The following COL5A2 variants were observed in gnomAD, a reference collection of about 807,000 sequenced individuals.
The protein encoded by COL5A2 is collagen alpha-2(V) chain.
Under a neutral mutation model 208.2 loss-of-function variants are expected in COL5A2, and 23 were observed. The ratio of observed to expected loss-of-function variants is 0.11; its 90% confidence interval spans 0.08 to 0.16. COL5A2 has a LOEUF of 0.16. COL5A2 is among the 10% of genes least tolerant of loss of function. COL5A2 has a pLI of 1.00. For synonymous variants in COL5A2, 625 were observed against 628.5 expected (o/e 0.99, Z 0.08); for missense variants, 1,590 against 1,956.4 (o/e 0.81, Z 3.53).
the COL5A2 span, among the ~76,000 whole-genome samples, chr2:189,317,885 C>T: frequency 6.6e-6 from 1 of 152,044 alleles, no homozygotes; most frequent in Non-Finnish European, 1.5e-5. Context: ...AGCTGGTATT[C>T]AAAATTATTT....
chr2:189,294,400 A>G, the COL5A2 span, among the ~76,000 whole-genome samples: 1 of 152,202 alleles, frequency 6.6e-6, no homozygotes, highest in East Asian at 1.9e-4. Context: ...GTCACATCAC[A>G]TTTACCTTAA....
the COL5A2 span, among the ~76,000 whole-genome samples, chr2:189,367,760 A>C: frequency 6.6e-6 from 1 of 152,178 alleles, no homozygotes; most frequent in African/African-American, 2.4e-5. Flanking sequence ...TGTGTAATTC[A>C]TCTTCATGTG....
At chr2:189,366,671 A>G in the COL5A2 span, among the ~76,000 whole-genome samples, 1 of 152,158 alleles carries the variant, frequency 6.6e-6, no homozygotes, top group African/African-American at 2.4e-5. Flanking sequence ...TCAAACCTAT[A>G]AGATGGCCTG....
At chr2:189,311,661 C>A in the COL5A2 span, 1 of 764,744 alleles carries the variant, frequency 1.3e-6, no homozygotes, top group South Asian at 1.4e-5. Context: ...TGTCTCAGCT[C>A]CATGAGCATC....
At chr2:189,373,187 A>G in the COL5A2 span, among the ~76,000 whole-genome samples, 8 of 152,284 alleles carry the variant, frequency 5.3e-5, no homozygotes, top group African/African-American at 1.9e-4. Context: ...AGTTAAGTAG[A>G]CATTAATATC....
At chr2:189,428,571 C>G in the COL5A2 span, among the ~76,000 whole-genome samples, 2 of 152,088 alleles carry the variant, frequency 1.3e-5, no homozygotes, top group African/African-American at 2.4e-5. Context: ...TGAGCCAAGA[C>G]TGTGCCACTG....
At chr2:189,288,433 T>TG in the COL5A2 span, among the ~76,000 whole-genome samples, 1 of 152,182 alleles carries the variant, frequency 6.6e-6, no homozygotes, top group Non-Finnish European at 1.5e-5. Flanking sequence ...AGTAATGTGA[T>TG]GACTATGAAT....
chr2:189,154,910 G>A (rs775849876), intron 1 of COL5A2, among the ~76,000 whole-genome samples: 135 of 152,108 alleles, frequency 8.9e-4, no homozygotes, highest in Admixed American at 1.6e-3. Flanking sequence ...ACGAATGAAT[G>A]AATAAATTAG....
At chr2:189,386,198 C>T in the COL5A2 span, among the ~76,000 whole-genome samples, 2 of 151,984 alleles carry the variant, frequency 1.3e-5, no homozygotes, top group Non-Finnish European at 2.9e-5. Context: ...CACAGCCAAA[C>T]TTATATCAAT....
the COL5A2 span, among the ~76,000 whole-genome samples, chr2:189,349,554 G>T: frequency 6.6e-6 from 1 of 152,142 alleles, no homozygotes; most frequent in Non-Finnish European, 1.5e-5. Flanking sequence ...GATGGTGATG[G>T]TTTATAAGTA....
At chr2:189,109,855 A>G (rs1308523979) in intron 2 of COL5A2, among the ~76,000 whole-genome samples, 5 of 152,166 alleles carry the variant, frequency 3.3e-5, no homozygotes, top group African/African-American at 4.8e-5. Flanking sequence ...TTGTAGATAA[A>G]TGTGTTTTCT....
chr2:189,044,329 C>A (rs1685620207), intron 47 of COL5A2, among the ~76,000 whole-genome samples: 1 of 151,920 alleles, frequency 6.6e-6, no homozygotes, highest in Non-Finnish European at 1.5e-5. Context: ...TTTTATATAA[C>A]AATATAAATT....
At chr2:189,047,665 A>G (rs1329307449) in intron 45 of COL5A2, among the ~76,000 whole-genome samples, 1 of 152,114 alleles carries the variant, frequency 6.6e-6, no homozygotes, top group Non-Finnish European at 1.5e-5. Flanking sequence ...TGGAGTGGGG[A>G]GTGATTTTGC....
chr2:189,099,434 G>A (rs1009571784), intron 4 of COL5A2, among the ~76,000 whole-genome samples: 2 of 151,932 alleles, frequency 1.3e-5, no homozygotes, highest in African/African-American at 4.8e-5. Context: ...AGACCAGCCC[G>A]GCCAAACTGG....
At chr2:189,298,869 G>A in the COL5A2 span, among the ~76,000 whole-genome samples, 1 of 152,108 alleles carries the variant, frequency 6.6e-6, no homozygotes, top group African/African-American at 2.4e-5. Flanking sequence ...TCATATAAGT[G>A]AAAGATCATA....
At chr2:189,040,998 A>G (rs1685548959) in intron 50 of COL5A2, among the ~76,000 whole-genome samples, 1 of 152,256 alleles carries the variant, frequency 6.6e-6, no homozygotes, top group Admixed American at 6.5e-5. Context: ...AACACCAGAG[A>G]GAGAAGCATA....
intron 1 of COL5A2, among the ~76,000 whole-genome samples, chr2:189,123,352 T>C (rs1362071114): frequency 1.3e-5 from 2 of 152,172 alleles, no homozygotes; most frequent in African/African-American, 4.8e-5. Flanking sequence ...TGTGCCCTGC[T>C]AAAAGATATA....
At chr2:189,057,138 T>C in intron 34 of COL5A2, 112 bp from the exon 35 acceptor site, 1 of 1,268,078 alleles carries the variant, frequency 7.9e-7, no homozygotes, top group South Asian at 1.2e-5. Flanking sequence ...CGTATCCAGG[T>C]GAGCCTGGGA....
At position 189,057,421 on chromosome 2, in the gene COL5A2, G is replaced by A; in HGVS notation, c.2236C>T (p.Pro746Ser). Residue 746 changes from proline to serine, a missense_variant, in exon 34 of 54, where the codon CCA becomes TCA. Physicochemically the swap from Pro to Ser is moderately conservative, Grantham distance 74. Transcript: ENST00000374866. ...GHGPDGPKGS[P>S]GPSGTPGDTG... is the part of the protein sequence containing the mutation. The stretch of plus-strand genomic sequence containing the variant: ...TCTCCAGGGGTCCCAGATGGACCTG[G>A]ACTGCCCTAAAATGAACCAACATTA... The A allele has an allele frequency of 6.2e-7, 1 of 1,610,948 alleles. No individual in the cohort carries two copies.
Sources: allele counts gnomAD v4.1 joint callset (sites outside exome capture counted in the v4.1 genomes callset), GRCh38; gene constraint gnomAD v4.1.1; transcripts MANE v1.5; gene names NCBI Gene and HGNC (gene_info 2026-07-23, HGNC 2026-07-21).